TRMT1L: variants seen among roughly 807,000 people sequenced by gnomAD.
TRMT1L encodes the protein tRNA methyltransferase 1L.
TRMT1L carries 28 observed loss-of-function variants against 81.6 expected under a neutral mutation model. The ratio of observed to expected loss-of-function variants is 0.34; its 90% CI spans 0.25 to 0.47. TRMT1L has a LOEUF of 0.47. Ranked by LOEUF, TRMT1L falls within the 20% of genes least tolerant of loss-of-function variation. TRMT1L has a pLI of 1.00. For missense variants in TRMT1L, 739 were observed against 877.1 expected, an observed-to-expected ratio of 0.84 and a Z score of 1.99; for synonymous variants, 301 against 303.2, an observed-to-expected ratio of 0.99 and a Z score of 0.07.
Position 185,156,600 on chromosome 1 carries a change from G to T in TRMT1L, c.113C>A (p.Ala38Asp). Residue 38 changes from alanine to aspartate, a missense_variant, in exon 1 of 15, where the codon GCC becomes GAC. Ala to Asp is a moderately radical substitution (Grantham distance 126). This residue lies in a region of TRMT1L where 209 missense variants were observed against 165.4 expected (regional missense o/e 1.26). Coordinates refer to ENST00000367506, the MANE Select transcript of TRMT1L (RefSeq NM_030934.5). ...ARDSAGVPAP[A>D]PDSALDSAPT... ...AGCCGAGTCCAGAGCCGAATCCGGG[G>T]CCGGAGCTGGGACCCCAGCCGAGTC... The T allele has an allele frequency of 1.3e-6, 2 of 1,597,836 alleles. No individual in the cohort carries two copies. Among genetic ancestry groups the T allele is most frequent in the South Asian group, 2.2e-5 (2 of 89,732 alleles).
At chr1:185,145,398 G>T in intron 5 of TRMT1L, 41 bp downstream of exon 5, 1 of 1,557,810 alleles carries the variant, frequency 6.4e-7, no homozygotes, top group South Asian at 1.2e-5. Flanking sequence ...CATTATTTAA[G>T]GATTTACATA....
intron 2 of TRMT1L, 70 bp from the exon 3 acceptor site, chr1:185,150,562 G>C: frequency 1.9e-6 from 2 of 1,074,556 alleles, no homozygotes; most frequent in East Asian, 5.0e-5. Context: ...CAACTACAAA[G>C]AGGTTAATGG....
In TRMT1L at chr1:185,126,912, G is replaced by A. The variant is rs946138959; in HGVS notation, c.1592+1757C>T. ...CTCGGGAGGCTGAGTCAGGAGATTCGCTTGAACCCAAAAGGTGGAGGTTGC... is the reference window on the plus strand; with the variant it reads ...CTCGGGAGGCTGAGTCAGGAGATTCACTTGAACCCAAAAGGTGGAGGTTGC... On this transcript the variant is annotated intron_variant, in intron 11 of 14. Coordinates refer to ENST00000367506, the MANE Select transcript of TRMT1L (RefSeq NM_030934.5). 3.3e-5 allele frequency among the ~76,000 whole-genome samples: 5 copies of A among 152,270 alleles called. No individual in the cohort carries two copies. In the South Asian group the frequency reaches 6.2e-4, roughly 19 times the overall value.
chr1:185,156,396 C>G, intron 1 of TRMT1L, 82 bp downstream of exon 1: 1 of 1,612,266 alleles, frequency 6.2e-7, no homozygotes, highest in Non-Finnish European at 8.5e-7. Flanking sequence ...AAAAACCATC[C>G]CGGTGAAGGG....
intron 11 of TRMT1L, 109 bp from the exon 12 acceptor site, chr1:185,125,219 G>A (rs151174823): frequency 3.9e-5 from 24 of 618,750 alleles, no homozygotes; most frequent in East Asian, 9.5e-5. Context: ...TTATATGACA[G>A]AGTAATACTT....
At position 185,123,887 on chromosome 1, in the gene TRMT1L, C is replaced by A; in HGVS notation, c.1792G>T (p.Asp598Tyr). 1 of 1,512,336 alleles carries A rather than the reference C, an allele frequency of 6.6e-7. No individual in the cohort carries two copies. Among genetic ancestry groups the A allele is most frequent in the South Asian group, 1.3e-5 (1 of 77,574 alleles). 93.7% of individuals were successfully genotyped at this position (1,512,336 alleles called of 1,614,324 possible). The change falls in exon 13 of 15, where the codon GAC (aspartate) becomes TAC (tyrosine). Residue 598 changes from aspartate (D) to tyrosine (Y), a missense_variant. Physicochemically the swap from Asp to Tyr is radical, Grantham distance 160 (BLOSUM62 -3). Around this residue, in one of 4 missense-constraint regions of TRMT1L, gnomAD observed 196 missense variants for 232.6 expected, o/e 0.84. Coordinates refer to ENST00000367506, the MANE Select transcript of TRMT1L (RefSeq NM_030934.5). ...ENGVFIKTTD[D>Y]TTTDNYIAQG... ...GCAATGTAATTATCTGTTGTGGTGT[C>A]ATCTGTAGTTTTAATAAATACACCA...
At chr1:185,137,007 A>G (rs1652917224) in intron 10 of TRMT1L, among the ~76,000 whole-genome samples, 3 of 152,136 alleles carry the variant, frequency 2.0e-5, no homozygotes, top group Non-Finnish European at 4.4e-5. Flanking sequence ...AAAAAAAGTG[A>G]CAAAATGAGA....
At chr1:185,149,038 G>A (rs1266046019) in intron 3 of TRMT1L, among the ~76,000 whole-genome samples, 2 of 152,024 alleles carry the variant, frequency 1.3e-5, no homozygotes, top group Non-Finnish European at 2.9e-5. Context: ...TTGAGGGTGG[G>A]ACTTTTTGTT....
intron 13 of TRMT1L, among the ~76,000 whole-genome samples, chr1:185,122,657 G>A (rs1652526813): frequency 6.6e-6 from 1 of 150,928 alleles, no homozygotes; most frequent in East Asian, 1.9e-4. Context: ...AACAACGCCT[G>A]CATAGGATAA....
chr1:185,151,795 GA>G (rs368841273), intron 2 of TRMT1L, 29 bp downstream of exon 2: 14,488 of 1,130,034 alleles, frequency 0.013, 51 homozygotes, highest in African/African-American at 0.054. Context: ...TAGAAACTAA[GA>G]AAAAAAAAAA....
At chr1:185,121,966 G>C (rs570696686) in intron 13 of TRMT1L, among the ~76,000 whole-genome samples, 33 of 152,008 alleles carry the variant, frequency 2.2e-4, no homozygotes, top group African/African-American at 7.7e-4. Flanking sequence ...GTAGTCCCCA[G>C]TGTCTATTAT....
At chr1:185,128,886 G>A in intron 10 of TRMT1L, 139 bp from the exon 11 acceptor site, 1 of 709,980 alleles carries the variant, frequency 1.4e-6, no homozygotes. Flanking sequence ...AGTATTTTAT[G>A]TATGTATATA....
chr1:185,143,512 G>A (rs1354631029), intron 6 of TRMT1L, 76 bp from the exon 7 acceptor site: 19 of 1,315,408 alleles, frequency 1.4e-5, no homozygotes, highest in Admixed American at 8.4e-5. Context: ...TAAGAATAGT[G>A]AACTGAAGTT....
Position 185,123,891 on chromosome 1 carries a change from T to A in TRMT1L, c.1788A>T (p.Thr596=). 6.6e-7 allele frequency: 1 copy of A among 1,513,104 alleles called. No homozygotes were observed. The highest frequency in any genetic ancestry group is 1.4e-5 in the African/African-American group (1 of 71,436). 93.7% of individuals were successfully genotyped at this position (1,513,104 alleles called of 1,614,324 possible). The change falls in exon 13 of 15, where the codon ACA becomes ACT. Residue 596 remains threonine (T), a synonymous_variant. Coordinates refer to ENST00000367506, the MANE Select transcript of TRMT1L (RefSeq NM_030934.5). ...QEENGVFIKT[T]DDTTTDNYIA... ...TGTAATTATCTGTTGTGGTGTCATC[T>A]GTAGTTTTAATAAATACACCATTTT...
chr1:185,156,377 T>C (rs1337885641), intron 1 of TRMT1L, 101 bp downstream of exon 1: 5 of 1,611,504 alleles, frequency 3.1e-6, no homozygotes, highest in Admixed American at 3.3e-5. Flanking sequence ...TAAACCTGCC[T>C]TGCCCCATAA....
intron 10 of TRMT1L, among the ~76,000 whole-genome samples, chr1:185,131,892 G>T (rs1652779780): frequency 1.3e-5 from 2 of 152,174 alleles, no homozygotes; most frequent in East Asian, 3.8e-4. Context: ...TGTAATCCCA[G>T]CACTTTGGGG....
chr1:185,137,102 G>C (rs1652919858), intron 10 of TRMT1L, among the ~76,000 whole-genome samples: 1 of 152,098 alleles, frequency 6.6e-6, no homozygotes, highest in Non-Finnish European at 1.5e-5. Context: ...ATAAGCAACT[G>C]TTTCCATGTC....
In TRMT1L at chr1:185,142,539, A is replaced by C. The variant is rs547116324; in HGVS notation, c.859+818T>G. 1.1e-4 allele frequency among the ~76,000 whole-genome samples: 17 copies of C among 152,184 alleles called. 1 individual carries two copies. Among genetic ancestry groups the C allele is most frequent in the East Asian group, 3.9e-4 (2 of 5,176 alleles). On this transcript the variant is annotated intron_variant, in intron 7 of 14. Coordinates refer to ENST00000367506, the MANE Select transcript of TRMT1L (RefSeq NM_030934.5). ...TTGAGAAGAATATTCTCAATGTTTA[A>C]AATTTCACTTTATTCCACTGTCTAA...
At chr1:185,150,167 A>G (rs1266840261) in intron 3 of TRMT1L, among the ~76,000 whole-genome samples, 1 of 152,218 alleles carries the variant, frequency 6.6e-6, no homozygotes, top group Non-Finnish European at 1.5e-5. Context: ...CAGATGCATA[A>G]TAAATGTTTG....
Sources: gnomAD v4.1 joint callset for allele counts (sites outside exome capture counted in the v4.1 genomes callset) on GRCh38, gnomAD v4.1.1 for gene constraint, gnomAD v4.1.1 regional missense constraint, MANE v1.5 for transcripts, NCBI Gene and HGNC (gene_info 2026-07-23, HGNC 2026-07-21) for gene names.